NREP: variants seen among roughly 807,000 people sequenced by gnomAD.
NREP encodes neuronal regeneration-related protein.
NREP carries 5 observed loss-of-function variants against 8.6 expected under a neutral mutation model. The observed-to-expected ratio is 0.58, with a 90% confidence interval of 0.30 to 1.22. The LOEUF is 1.22. Ranked by LOEUF, NREP falls within the 50% of genes most tolerant of loss-of-function variation. The pLI, the probability that NREP is intolerant of heterozygous loss-of-function variation, is 0.07. For missense variants in NREP, 86 were observed against 82.5 expected, an observed-to-expected ratio of 1.04 and a Z score of -0.17; for synonymous variants, 27 against 28.0, an observed-to-expected ratio of 0.96 and a Z score of 0.11.
chr5:111,771,763 C>CAAAAAAAAA (rs367581931), intron 2 of NREP, among the ~76,000 whole-genome samples: 3 of 63,098 alleles, frequency 4.8e-5, no homozygotes, highest in African/African-American at 5.6e-5. Context: ...AACTCCATCT[C>CAAAAAAAAA]AAAAAAAAAA....
intron 2 of NREP, among the ~76,000 whole-genome samples, chr5:111,954,931 A>C (rs1756265666): frequency 6.6e-6 from 1 of 152,198 alleles, no homozygotes; most frequent in Non-Finnish European, 1.5e-5. Flanking sequence ...CTGGCTGCCA[A>C]GGAAGAATGC....
intron 2 of NREP, among the ~76,000 whole-genome samples, chr5:111,834,331 C>G (rs1322959929): frequency 6.6e-6 from 1 of 152,126 alleles, no homozygotes; most frequent in East Asian, 1.9e-4. Flanking sequence ...TATCAAATAC[C>G]ATGGCTCTCT....
At chr5:111,782,644 CAG>C (rs1449819818) in intron 2 of NREP, among the ~76,000 whole-genome samples, 1 of 151,734 alleles carries the variant, frequency 6.6e-6, no homozygotes, top group African/African-American at 2.4e-5. Context: ...ATGAGTAAAA[CAG>C]AGAAAAACCA....
intron 2 of NREP, among the ~76,000 whole-genome samples, chr5:111,915,837 C>T (rs982301706): frequency 2.6e-5 from 4 of 152,060 alleles, no homozygotes; most frequent in Non-Finnish European, 5.9e-5. Context: ...AAATTGATTT[C>T]ACGGCCTGTT....
chr5:111,733,622 C>G (rs949962776), intron 3 of NREP: 1 of 152,020 alleles, frequency 6.6e-6, no homozygotes, highest in Admixed American at 6.6e-5. Flanking sequence ...TCTCCAGATC[C>G]AGAAGTCAGG....
chr5:111,885,280 A>G (rs1355999460), intron 2 of NREP, among the ~76,000 whole-genome samples: 1 of 151,594 alleles, frequency 6.6e-6, no homozygotes, highest in Non-Finnish European at 1.5e-5. Flanking sequence ...GATGTGAAGG[A>G]CCTCTTCAAG....
chr5:111,803,510 C>T (rs899720215), intron 2 of NREP, among the ~76,000 whole-genome samples: 1 of 152,034 alleles, frequency 6.6e-6, no homozygotes, highest in Non-Finnish European at 1.5e-5. Flanking sequence ...CAATTACATG[C>T]TTATTTTGAT....
At position 111,873,573 on chromosome 5, in the gene NREP, C is replaced by T. The variant is rs926365354; in HGVS notation, c.135+101701G>A. Among the ~76,000 whole-genome samples the T allele has an allele frequency of 5.9e-5, 9 of 152,166 alleles. No individual in the cohort carries two copies. The East Asian group carries it at 7.7e-4, about 13-fold the overall frequency. ...ACCTGCATTCCTTGGCTCCTGGCCC[C>T]TTCCTCCATCTTCAAAGCAAGCAAT... is the stretch of plus-strand genomic sequence containing the variant. On this transcript the variant is annotated intron_variant, in intron 2 of 3. Coordinates refer to the NREP transcript ENST00000395634.
chr5:111,757,572 T>A, upstream of NREP: 1 of 984,348 alleles, frequency 1.0e-6, no homozygotes, highest in African/African-American at 1.7e-5. Flanking sequence ...TCGGCAGGAA[T>A]CGGCGGCTCT....
At chr5:111,853,320 A>G (rs999121159) in intron 2 of NREP, among the ~76,000 whole-genome samples, 5 of 152,086 alleles carry the variant, frequency 3.3e-5, no homozygotes, top group African/African-American at 1.2e-4. Context: ...TGGTGGACAC[A>G]TTGTCATTAT....
chr5:111,832,763 A>G (rs895742834), intron 2 of NREP, among the ~76,000 whole-genome samples: 6 of 152,206 alleles, frequency 3.9e-5, no homozygotes, highest in Non-Finnish European at 5.9e-5. Context: ...AATGCCTGAT[A>G]GCATCTCTGA....
chr5:111,770,824 C>T (rs184615375), intron 2 of NREP, among the ~76,000 whole-genome samples: 140 of 152,170 alleles, frequency 9.2e-4, no homozygotes, highest in African/African-American at 3.2e-3. Context: ...CCCGCCTCAG[C>T]CTTTCAAAGT....
intron 2 of NREP, among the ~76,000 whole-genome samples, chr5:111,825,735 G>C (rs1752607279): frequency 6.6e-6 from 1 of 152,084 alleles, no homozygotes; most frequent in South Asian, 2.1e-4. Context: ...GCATGCTTAG[G>C]TATAAACACA....
Position 111,818,352 on chromosome 5 carries a change from T to A in NREP, c.136-82845A>T, listed in dbSNP as rs115850636. On this transcript the variant is annotated intron_variant, in intron 2 of 3. Transcript: ENST00000395634. ...CAAAAAGAAACTTTAAAAAATACAT[T>A]CTTCAGAAAAATGGCAGTGACGTGG... Among the ~76,000 whole-genome samples the A allele has an allele frequency of 4.3e-3, 656 of 152,294 alleles. 5 individuals carry two copies. The highest frequency in any genetic ancestry group is 0.02 in the Middle Eastern group (6 of 294).
intron 2 of NREP, among the ~76,000 whole-genome samples, chr5:111,945,489 G>A (rs1161504582): frequency 8.6e-6 from 1 of 115,710 alleles, no homozygotes; most frequent in Non-Finnish European, 1.7e-5. Flanking sequence ...GAGAAAGGAA[G>A]AGAAGAAAGG....
intron 2 of NREP, among the ~76,000 whole-genome samples, chr5:111,774,293 A>G (rs1439371894): frequency 1.3e-5 from 2 of 151,492 alleles, no homozygotes; most frequent in African/African-American, 4.9e-5. Flanking sequence ...GGGAGAGAAG[A>G]AGGGAAAAAG....
At chr5:111,798,373 A>G (rs1751919944) in intron 2 of NREP, among the ~76,000 whole-genome samples, 1 of 151,840 alleles carries the variant, frequency 6.6e-6, no homozygotes, top group Admixed American at 6.6e-5. Flanking sequence ...ATTAGTTTTT[A>G]TTTTTTTATT....
intron 2 of NREP, among the ~76,000 whole-genome samples, chr5:111,883,790 A>C (rs1321110745): frequency 1.3e-5 from 2 of 152,226 alleles, no homozygotes; most frequent in African/African-American, 4.8e-5. Flanking sequence ...ACAAAGACAC[A>C]ACATACCAGA....
intron 2 of NREP, among the ~76,000 whole-genome samples, chr5:111,944,598 C>G (rs954270419): frequency 6.6e-6 from 1 of 152,150 alleles, no homozygotes; most frequent in East Asian, 1.9e-4. Flanking sequence ...TGGGCCATGA[C>G]AACCAGCCTT....
Sources: allele counts gnomAD v4.1 joint callset (sites outside exome capture counted in the v4.1 genomes callset), GRCh38; gene constraint gnomAD v4.1.1; transcripts MANE v1.5; gene names NCBI Gene and HGNC (gene_info 2026-07-23, HGNC 2026-07-21).